Variants in KHDRBS2 observed in about 807,000 individuals in gnomAD.
KHDRBS2 encodes KH RNA binding domain containing, signal transduction associated 2, also known as KH domain-containing, RNA-binding, signal transduction-associated protein 2.
A neutral mutation model predicts 44.3 loss-of-function variants in KHDRBS2; 26 were observed. The ratio of observed to expected loss-of-function variants is 0.59; its 90% CI spans 0.43 to 0.81. KHDRBS2 has a LOEUF of 0.81. KHDRBS2 is among the 40% of genes least tolerant of loss of function. KHDRBS2 has a pLI of 0.00. For synonymous variants in KHDRBS2, 194 were observed against 151.1 expected (o/e 1.28, Z -2.08); for missense variants, 476 against 433.1 (o/e 1.10, Z -0.88).
chr6:61,752,685 AAAAAAAAAGAAC>A (rs909351145), intron 6 of KHDRBS2, among the ~76,000 whole-genome samples: 3 of 150,642 alleles, frequency 2.0e-5, no homozygotes, highest in African/African-American at 7.3e-5. Flanking sequence ...AAAAAAAAAA[AAAAAAAAAGAAC>A]AAAAATATCC....
At chr6:62,212,085 T>G (rs543781697) in intron 1 of KHDRBS2, among the ~76,000 whole-genome samples, 146 of 152,260 alleles carry the variant, frequency 9.6e-4, no homozygotes, top group Non-Finnish European at 1.6e-3. Context: ...ATGTTCTTAT[T>G]CATAGGGAAC....
chr6:61,759,538 T>G, intron 6 of KHDRBS2, among the ~76,000 whole-genome samples: 1 of 152,100 alleles, frequency 6.6e-6, no homozygotes, highest in East Asian at 1.9e-4. Context: ...TTTTTTTAGA[T>G]ATAGGAATTT....
At chr6:61,826,638 A>C (rs1583036057) in intron 6 of KHDRBS2, among the ~76,000 whole-genome samples, 3 of 152,244 alleles carry the variant, frequency 2.0e-5, no homozygotes, top group Admixed American at 2.0e-4. Flanking sequence ...CCATACAGGT[A>C]GTATTCGTTA....
rs567773114 is a variant in KHDRBS2 at position 62,091,561 on chromosome 6, T to C, written c.220-43567A>G. On this transcript the variant is annotated intron_variant, in intron 2 of 8. Coordinates refer to ENST00000281156, the MANE Select transcript of KHDRBS2 (RefSeq NM_152688.4). Reference sequence around the variant, plus strand: ...TTTTCTACAGTTTCTTAAAAGTCCATATGAGTGCAACTTGTTGTTGCAAGT... The same window carrying C: ...TTTTCTACAGTTTCTTAAAAGTCCACATGAGTGCAACTTGTTGTTGCAAGT... Among the ~76,000 whole-genome samples the C allele has an allele frequency of 3.9e-5, 6 of 152,272 alleles. No individual in the cohort carries two copies. In the South Asian group the frequency reaches 8.3e-4, roughly 21 times the overall value.
At chr6:61,637,387 T>C in the KHDRBS2 span, among the ~76,000 whole-genome samples, 3 of 152,212 alleles carry the variant, frequency 2.0e-5, no homozygotes, top group African/African-American at 7.2e-5. Context: ...GGCTGCATAG[T>C]ATTCTGTGGT....
intron 2 of KHDRBS2, among the ~76,000 whole-genome samples, chr6:62,094,474 AT>A (rs1800141962): frequency 6.6e-6 from 1 of 151,624 alleles, no homozygotes; most frequent in South Asian, 2.1e-4. Context: ...ATATTCTCTC[AT>A]TTTGTAGGTT....
chr6:61,693,354 A>C (rs1767572000), intron 8 of KHDRBS2, among the ~76,000 whole-genome samples: 1 of 152,074 alleles, frequency 6.6e-6, no homozygotes, highest in African/African-American at 2.4e-5. Flanking sequence ...ATATTAATTT[A>C]ATTGGGCTGC....
At chr6:61,659,658 A>G in the KHDRBS2 span, among the ~76,000 whole-genome samples, 6 of 151,814 alleles carry the variant, frequency 4.0e-5, no homozygotes, top group African/African-American at 1.4e-4. Context: ...TAAAATCCAC[A>G]GTCCTTATAA....
chr6:61,889,132 C>A (rs937000867), intron 6 of KHDRBS2, among the ~76,000 whole-genome samples: 20 of 151,978 alleles, frequency 1.3e-4, no homozygotes, highest in African/African-American at 4.8e-4. Flanking sequence ...TAATAGTTAC[C>A]TTTTATTAAC....
At chr6:62,073,142 A>G (rs1352781838) in intron 2 of KHDRBS2, among the ~76,000 whole-genome samples, 3 of 151,928 alleles carry the variant, frequency 2.0e-5, no homozygotes, top group African/African-American at 4.8e-5. Context: ...TGAACATTTT[A>G]TTTAATTCTT....
chr6:61,827,453 T>C (rs1196232387), intron 6 of KHDRBS2, among the ~76,000 whole-genome samples: 1 of 152,220 alleles, frequency 6.6e-6, no homozygotes, highest in East Asian at 1.9e-4. Flanking sequence ...CAATTTTCTA[T>C]ATTGAAAATG....
intron 2 of KHDRBS2, among the ~76,000 whole-genome samples, chr6:62,095,281 C>T (rs946856647): frequency 5.3e-5 from 8 of 151,712 alleles, no homozygotes; most frequent in Non-Finnish European, 1.0e-4. Flanking sequence ...TATAAAACAC[C>T]GATGAAAGAT....
chr6:62,145,189 A>G (rs181660754), intron 2 of KHDRBS2, among the ~76,000 whole-genome samples: 2 of 151,948 alleles, frequency 1.3e-5, no homozygotes, highest in East Asian at 3.9e-4. Context: ...ATTTCTTTAT[A>G]ATTTTTATGT....
chr6:62,151,966 T>C (rs753799752), intron 2 of KHDRBS2, among the ~76,000 whole-genome samples: 3 of 152,188 alleles, frequency 2.0e-5, no homozygotes, highest in Non-Finnish European at 4.4e-5. Flanking sequence ...TTAATAGCTA[T>C]GTGATGGGCA....
At chr6:61,880,424 A>G (rs1248717528) in intron 6 of KHDRBS2, among the ~76,000 whole-genome samples, 2 of 151,928 alleles carry the variant, frequency 1.3e-5, no homozygotes, top group Non-Finnish European at 2.9e-5. Context: ...ATATGAAACA[A>G]TCATATTCTG....
intron 8 of KHDRBS2, among the ~76,000 whole-genome samples, chr6:61,692,978 T>G (rs1397844289): frequency 6.6e-6 from 1 of 152,096 alleles, no homozygotes; most frequent in Non-Finnish European, 1.5e-5. Flanking sequence ...GAATTTAGTA[T>G]CAGTCTACGA....
intron 3 of KHDRBS2, among the ~76,000 whole-genome samples, chr6:62,036,823 A>G (rs1473182967): frequency 2.0e-5 from 3 of 152,028 alleles, no homozygotes; most frequent in Non-Finnish European, 4.4e-5. Flanking sequence ...TTACAGCTAT[A>G]CAAATGAAAT....
intron 2 of KHDRBS2, among the ~76,000 whole-genome samples, chr6:62,173,170 G>C (rs1254658752): frequency 6.8e-6 from 1 of 146,700 alleles, no homozygotes; most frequent in Non-Finnish European, 1.5e-5. Context: ...GAGTAAATAA[G>C]ATAAACCACT....
chr6:62,085,873 G>A (rs543844055), intron 2 of KHDRBS2, among the ~76,000 whole-genome samples: 3 of 152,190 alleles, frequency 2.0e-5, no homozygotes, highest in Non-Finnish European at 4.4e-5. Context: ...CTTGAATAAA[G>A]TTAGGGTTAA....
Sources: allele counts gnomAD v4.1 joint callset (sites outside exome capture counted in the v4.1 genomes callset), GRCh38; gene constraint gnomAD v4.1.1; transcripts MANE v1.5; gene names NCBI Gene and HGNC (gene_info 2026-07-23, HGNC 2026-07-21).